The following JAKMIP2 variants were observed in gnomAD, a reference collection of about 807,000 sequenced individuals.
JAKMIP2 encodes janus kinase and microtubule-interacting protein 2.
A neutral mutation model predicts 115.0 loss-of-function variants in JAKMIP2; 25 were observed. The ratio of observed to expected loss-of-function variants is 0.22; its 90% CI spans 0.16 to 0.30. JAKMIP2 has a LOEUF of 0.30. JAKMIP2 is among the 10% of genes least tolerant of loss of function. The probability of loss-of-function intolerance (pLI) is 1.00; values close to 1 mark genes in which losing one functional copy is unlikely to be tolerated. For missense variants in JAKMIP2, 642 were observed against 957.6 expected (o/e 0.67, Z 4.35); for synonymous variants, 334 against 343.6 (o/e 0.97, Z 0.31).
intron 1 of JAKMIP2, among the ~76,000 whole-genome samples, chr5:147,754,813 T>C (rs1306273627): frequency 6.6e-6 from 1 of 152,194 alleles, no homozygotes; most frequent in Non-Finnish European, 1.5e-5. Context: ...CAAGTCTATA[T>C]AACTTGAAAG....
intron 12 of JAKMIP2, among the ~76,000 whole-genome samples, chr5:147,633,358 C>A (rs866678597): frequency 1.1e-4 from 16 of 152,184 alleles, no homozygotes; most frequent in African/African-American, 2.9e-4. Flanking sequence ...AATCTAGGAA[C>A]TGTGGCCTAC....
At chr5:147,635,415 A>T (rs1258513712) in intron 12 of JAKMIP2, among the ~76,000 whole-genome samples, 14 of 147,058 alleles carry the variant, frequency 9.5e-5, no homozygotes, top group African/African-American at 3.5e-4. Flanking sequence ...ATCTTTCATT[A>T]AAAAAAAAAG....
intron 1 of JAKMIP2, among the ~76,000 whole-genome samples, chr5:147,777,372 A>C (rs1410892381): frequency 6.6e-6 from 1 of 152,222 alleles, no homozygotes; most frequent in Non-Finnish European, 1.5e-5. Flanking sequence ...CAGTAGAGAC[A>C]CATTTGTTGA....
At chr5:147,734,652 CAAAA>C (rs199523482) in intron 1 of JAKMIP2, among the ~76,000 whole-genome samples, 3 of 140,082 alleles carry the variant, frequency 2.1e-5, no homozygotes, top group Admixed American at 1.4e-4. Flanking sequence ...TACTATAATA[CAAAA>C]AAAAAAAAGG....
chr5:147,674,097 TA>T (rs1759788984), intron 1 of JAKMIP2, among the ~76,000 whole-genome samples: 1 of 152,200 alleles, frequency 6.6e-6, no homozygotes, highest in Admixed American at 6.5e-5. Context: ...CTAGCATAAC[TA>T]ATGCAGATGT....
At chr5:147,607,988 T>C (rs1470614949) in intron 20 of JAKMIP2, among the ~76,000 whole-genome samples, 1 of 152,196 alleles carries the variant, frequency 6.6e-6, no homozygotes, top group African/African-American at 2.4e-5. Flanking sequence ...TCTCTGATCG[T>C]AGTTTGTATT....
intron 1 of JAKMIP2, among the ~76,000 whole-genome samples, chr5:147,705,256 G>T (rs1752517665): frequency 6.6e-6 from 1 of 152,070 alleles, no homozygotes; most frequent in Non-Finnish European, 1.5e-5. Context: ...TTGGAGCCAG[G>T]AAGGGAATTC....
intron 1 of JAKMIP2, among the ~76,000 whole-genome samples, chr5:147,707,618 T>C (rs534188093): frequency 9.9e-5 from 15 of 152,144 alleles, no homozygotes; most frequent in Admixed American, 2.0e-4. Flanking sequence ...TTCCCTAGCA[T>C]TGGTACACTC....
chr5:147,779,949 C>T lies in JAKMIP2; in HGVS notation c.-149+2507G>A, dbSNP rs555644277. On this transcript the variant is annotated intron_variant, in intron 1 of 21. Coordinates refer to ENST00000616793, the MANE Select transcript of JAKMIP2 (RefSeq NM_001270941.2). ...GGAACTTCTACATTTGCATATTTCT[C>T]ATCTTCATAATTCCTCATAAAGTTG... 2.2e-4 allele frequency among the ~76,000 whole-genome samples: 34 copies of T among 152,274 alleles called. No individual in the cohort carries two copies. The South Asian group carries it at 6.6e-3, about 30-fold the overall frequency.
rs750924899 is a variant in JAKMIP2 at position 147,631,889 on chromosome 5, GAT to G, written c.1777-380_1777-379del. ...CAATCTATTCAAGCATTATGAGAAA[GAT>G]ATGTGGGCTACAAAAGAATGACTCT... On this transcript the variant is annotated intron_variant, in intron 13 of 21. Coordinates refer to ENST00000616793, the MANE Select transcript of JAKMIP2 (RefSeq NM_001270941.2). Among the ~76,000 whole-genome samples, 107 of 152,270 alleles carry G rather than the reference GAT, an allele frequency of 7.0e-4. 1 individual carries two copies. Among genetic ancestry groups the G allele is most frequent in the Non-Finnish European group, 1.0e-3 (68 of 68,008 alleles).
At chr5:147,631,338 CGTAA>C in intron 14 of JAKMIP2, 71 bp downstream of exon 14, 1 of 831,498 alleles carries the variant, frequency 1.2e-6, no homozygotes, top group Non-Finnish European at 1.9e-6. Flanking sequence ...ACAAAATAGT[CGTAA>C]GTAACCTCCC....
chr5:147,595,595 T>C, intron 21 of JAKMIP2: 1 of 452,890 alleles, frequency 2.2e-6, no homozygotes, highest in South Asian at 1.6e-5. Context: ...TATTTTGTTA[T>C]AATAGCACAA....
intron 17 of JAKMIP2, 140 bp from the exon 18 acceptor site, chr5:147,620,883 G>A: frequency 1.7e-6 from 1 of 597,772 alleles, no homozygotes; most frequent in Non-Finnish European, 2.9e-6. Flanking sequence ...TGTCTGTTAG[G>A]GAAATAGTTC....
chr5:147,733,134 T>C (rs572149247), intron 1 of JAKMIP2, among the ~76,000 whole-genome samples: 1 of 152,340 alleles, frequency 6.6e-6, no homozygotes. Flanking sequence ...ATGAGCACAA[T>C]AGTTGACAGG....
At chr5:147,617,818 G>A in intron 19 of JAKMIP2, 93 bp downstream of exon 19, 1 of 921,456 alleles carries the variant, frequency 1.1e-6, no homozygotes, top group South Asian at 1.5e-5. Context: ...TATCTCCTGG[G>A]CTTCTCCGTA....
chr5:147,671,929 TCTC>T lies in JAKMIP2; in HGVS notation c.-126_-124del. ...TACTGTGTGGTGCTCCTTGGTAAGG[TCTC>T]CTCAATCGCTGCCCTGGAAGCCCTG... On this transcript the variant is annotated 5_prime_UTR_variant, in exon 2 of 22. Coordinates refer to ENST00000616793, the MANE Select transcript of JAKMIP2 (RefSeq NM_001270941.2). 1 of 1,335,320 alleles carries T rather than the reference TCTC, an allele frequency of 7.5e-7. No homozygotes were observed. 82.7% of individuals were successfully genotyped at this position (1,335,320 alleles called of 1,614,324 possible). A position where few individuals can be genotyped will look rare whatever the true frequency, so the allele number is the denominator to read the frequency against.
chr5:147,621,824 G>A (rs530401887), intron 17 of JAKMIP2, among the ~76,000 whole-genome samples: 7 of 151,964 alleles, frequency 4.6e-5, no homozygotes, highest in South Asian at 2.1e-4. Flanking sequence ...AATCCACGAC[G>A]TTTTCTAGTT....
chr5:147,703,592 C>CTTT (rs543400413), intron 1 of JAKMIP2, among the ~76,000 whole-genome samples: 3 of 139,574 alleles, frequency 2.1e-5, no homozygotes, highest in African/African-American at 2.6e-5. Context: ...CGTACTGTAA[C>CTTT]TTTTTTTTTT....
At chr5:147,683,641 T>C (rs1428536254) in intron 1 of JAKMIP2, among the ~76,000 whole-genome samples, 1 of 152,212 alleles carries the variant, frequency 6.6e-6, no homozygotes, top group Non-Finnish European at 1.5e-5. Flanking sequence ...AAGTGAAACA[T>C]ATATAACCTA....
Sources: gnomAD v4.1 joint callset for allele counts (sites outside exome capture counted in the v4.1 genomes callset) on GRCh38, gnomAD v4.1.1 for gene constraint, MANE v1.5 for transcripts, NCBI Gene and HGNC (gene_info 2026-07-23, HGNC 2026-07-21) for gene names.